The following ANKS1B variants were observed in gnomAD, a reference collection of about 807,000 sequenced individuals.
The protein encoded by ANKS1B is ankyrin repeat and sterile alpha motif domain-containing protein 1B.
A neutral mutation model predicts 148.3 loss-of-function variants in ANKS1B; 36 were observed. The observed-to-expected ratio is 0.24, with a 90% confidence interval of 0.19 to 0.32. The LOEUF is 0.32. ANKS1B is among the 10% of genes least tolerant of loss of function. The pLI is 1.00. For synonymous variants in ANKS1B, 542 were observed against 560.8 expected, an observed-to-expected ratio of 0.97 and a Z score of 0.47; for missense variants, 1,157 against 1,542.6, an observed-to-expected ratio of 0.75 and a Z score of 4.19.
intron 4 of ANKS1B, among the ~76,000 whole-genome samples, chr12:99,800,616 G>A (rs563286440): frequency 6.8e-4 from 103 of 152,160 alleles, no homozygotes; most frequent in African/African-American, 2.3e-3. Flanking sequence ...GAAAGAAACC[G>A]TAAAATTCTG....
intron 9 of ANKS1B, among the ~76,000 whole-genome samples, chr12:99,529,400 C>T (rs142864455): frequency 6.6e-6 from 1 of 152,308 alleles, no homozygotes; most frequent in Non-Finnish European, 1.5e-5. Context: ...CACCTGTAAT[C>T]CCAGCACTTT....
At chr12:99,425,743 G>A (rs2095239906) in intron 11 of ANKS1B, among the ~76,000 whole-genome samples, 1 of 151,356 alleles carries the variant, frequency 6.6e-6, no homozygotes, top group Non-Finnish European at 1.5e-5. Flanking sequence ...TATTTATATT[G>A]TTTGTCCATT....
chr12:99,501,618 C>T (rs2096656762), intron 10 of ANKS1B, among the ~76,000 whole-genome samples: 1 of 152,140 alleles, frequency 6.6e-6, no homozygotes, highest in South Asian at 2.1e-4. Flanking sequence ...TCTGATTCCT[C>T]TAAGGCTGTA....
chr12:98,956,200 T>G (rs1250526060), intron 17 of ANKS1B, among the ~76,000 whole-genome samples: 4 of 152,106 alleles, frequency 2.6e-5, no homozygotes, highest in African/African-American at 7.2e-5. Context: ...TCCTTCCATT[T>G]CCTCATCTCC....
intron 1 of ANKS1B, among the ~76,000 whole-genome samples, chr12:99,847,704 T>C (rs1334039820): frequency 1.3e-5 from 2 of 152,202 alleles, no homozygotes; most frequent in African/African-American, 4.8e-5. Flanking sequence ...TCCTGTGACA[T>C]ATAAAACTTT....
chr12:98,849,267 A>T (rs1257507513), intron 17 of ANKS1B, among the ~76,000 whole-genome samples: 1 of 151,658 alleles, frequency 6.6e-6, no homozygotes, highest in South Asian at 2.1e-4. Flanking sequence ...CTTAACTCGC[A>T]TCAAGGTTTA....
At chr12:99,249,968 G>A (rs965567223) in intron 12 of ANKS1B, among the ~76,000 whole-genome samples, 4 of 152,192 alleles carry the variant, frequency 2.6e-5, no homozygotes, top group Admixed American at 2.0e-4. Flanking sequence ...GAAACCAACA[G>A]ATCAGGAGAC....
At chr12:99,868,415 T>C (rs2091035956) in intron 1 of ANKS1B, among the ~76,000 whole-genome samples, 1 of 152,128 alleles carries the variant, frequency 6.6e-6, no homozygotes, top group Admixed American at 6.5e-5. Flanking sequence ...CTTCTTGAAA[T>C]TGGAAATTAC....
chr12:99,141,984 C>T (rs2071000845), intron 15 of ANKS1B, among the ~76,000 whole-genome samples: 1 of 151,990 alleles, frequency 6.6e-6, no homozygotes, highest in Non-Finnish European at 1.5e-5. Flanking sequence ...ATGGAGCAAG[C>T]TTTCTAAACA....
intron 14 of ANKS1B, among the ~76,000 whole-genome samples, chr12:99,176,834 C>G (rs1008646051): frequency 6.0e-5 from 9 of 150,548 alleles, no homozygotes; most frequent in Non-Finnish European, 1.3e-4. Context: ...TCCCTGAGAG[C>G]CCCCCAGAAG....
intron 12 of ANKS1B, among the ~76,000 whole-genome samples, chr12:99,294,811 G>A (rs566619370): frequency 1.2e-4 from 18 of 152,020 alleles, no homozygotes; most frequent in East Asian, 1.9e-4. Flanking sequence ...GTGCCACCAC[G>A]CCCGGCTAAT....
chr12:99,373,101 G>A (rs1190081955), intron 12 of ANKS1B, among the ~76,000 whole-genome samples: 2 of 152,152 alleles, frequency 1.3e-5, no homozygotes, highest in Non-Finnish European at 2.9e-5. Context: ...TAAATTTCAA[G>A]TGTAGGTTCA....
intron 1 of ANKS1B, among the ~76,000 whole-genome samples, chr12:99,955,769 G>A (rs2095313481): frequency 6.6e-6 from 1 of 151,992 alleles, no homozygotes; most frequent in South Asian, 2.1e-4. Context: ...ATTTATTGAA[G>A]TACAGTACCA....
rs756878417 is a variant in ANKS1B, at chr12:99,533,152, T to C, written c.1273-28511A>G. On this transcript the variant is annotated intron_variant, in intron 9 of 26. Transcript: ENST00000683438. ...ATTTTCACAATATTGATTCTTCCAA[T>C]CCATAAGAATAGGATGTTTTTCCAT... Among the ~76,000 whole-genome samples the C allele has an allele frequency of 7.4e-4, 113 of 152,224 alleles. 2 individuals are homozygous for C. Among genetic ancestry groups the C allele is most frequent in the Non-Finnish European group, 1.9e-4 (13 of 68,026 alleles).
chr12:99,317,749 CA>C (rs1408676470), intron 12 of ANKS1B, among the ~76,000 whole-genome samples: 12 of 152,140 alleles, frequency 7.9e-5, no homozygotes, highest in African/African-American at 2.7e-4. Context: ...TGCCAGTTTT[CA>C]AAGGGAATGC....
At chr12:98,789,145 T>G (rs148073057) in intron 22 of ANKS1B, among the ~76,000 whole-genome samples, 1,618 of 152,146 alleles carry the variant, frequency 0.011, 24 homozygotes, top group African/African-American at 0.036. Flanking sequence ...GAGTTCAAGA[T>G]TAGCCTGGCC....
At chr12:99,971,772 C>T (rs1282531558) in intron 1 of ANKS1B, among the ~76,000 whole-genome samples, 1 of 152,130 alleles carries the variant, frequency 6.6e-6, no homozygotes, top group African/African-American at 2.4e-5. Flanking sequence ...AAACAAAATA[C>T]ATTTTTTAAC....
At chr12:99,221,256 C>T (rs1486772119) in intron 14 of ANKS1B, among the ~76,000 whole-genome samples, 5 of 152,070 alleles carry the variant, frequency 3.3e-5, no homozygotes, top group South Asian at 2.1e-4. Flanking sequence ...AGGAGAATGG[C>T]GTGAACCCGG....
chr12:98,817,246 A>C (rs2153650276), intron 19 of ANKS1B, among the ~76,000 whole-genome samples: 1 of 152,378 alleles, frequency 6.6e-6, no homozygotes, highest in South Asian at 2.1e-4. Flanking sequence ...AGGGCATCCC[A>C]GCAAAGGAAG....
Sources: gnomAD v4.1 joint callset for allele counts (sites outside exome capture counted in the v4.1 genomes callset) on GRCh38, gnomAD v4.1.1 for gene constraint, MANE v1.5 for transcripts, NCBI Gene and HGNC (gene_info 2026-07-23, HGNC 2026-07-21) for gene names.